The following CYP2E1 variants were observed in gnomAD, a reference collection of about 807,000 sequenced individuals.
CYP2E1 encodes cytochrome P450 2E1.
In CYP2E1, 31 loss-of-function variants were observed where a neutral mutation model predicts 42.9. The ratio of observed to expected loss-of-function variants is 0.72; its 90% CI spans 0.54 to 0.98. CYP2E1 has a LOEUF of 0.98. Ranked by LOEUF, CYP2E1 falls within the 50% of genes least tolerant of loss-of-function variation. CYP2E1 has a pLI of 0.00. For synonymous variants in CYP2E1, 244 were observed against 248.9 expected (o/e 0.98, Z 0.19); for missense variants, 565 against 633.2 (o/e 0.89, Z 1.16).
intron 6 of CYP2E1, among the ~76,000 whole-genome samples, chr10:133,535,677 A>G (rs1233483360): frequency 6.6e-6 from 1 of 152,184 alleles, no homozygotes; most frequent in Admixed American, 6.5e-5. Flanking sequence ...TGACATGTAT[A>G]TATCCATTGC....
intron 2 of CYP2E1, among the ~76,000 whole-genome samples, chr10:133,529,593 A>T (rs938364474): frequency 6.6e-6 from 1 of 152,260 alleles, no homozygotes; most frequent in African/African-American, 2.4e-5. Context: ...TCCAGCGTAC[A>T]TTTCTGAACA....
chr10:133,528,662 G>A, intron 2 of CYP2E1, 22 bp downstream of exon 2: 4 of 1,612,082 alleles, frequency 2.5e-6, no homozygotes, highest in Non-Finnish European at 3.4e-6. Context: ...TCCCTGGCAC[G>A]GAGCGGGGGG....
At chr10:133,538,675 G>A (rs1205102469) in intron 8 of CYP2E1, 105 bp from the exon 9 acceptor site, 16 of 1,002,414 alleles carry the variant, frequency 1.6e-5, no homozygotes, top group Non-Finnish European at 2.3e-5. Context: ...TGTGATGGCC[G>A]TTTGCCCACA....
chr10:133,529,662 G>A (rs1022913352), intron 2 of CYP2E1, among the ~76,000 whole-genome samples: 1 of 152,258 alleles, frequency 6.6e-6, no homozygotes, highest in African/African-American at 2.4e-5. Flanking sequence ...AAAGAACGCC[G>A]TCAGCACAGA....
chr10:133,536,980 T>C (rs1851413360), intron 6 of CYP2E1, 83 bp from the exon 7 acceptor site: 1 of 309,610 alleles, frequency 3.2e-6, no homozygotes, highest in South Asian at 4.0e-5. Context: ...AAAAGCGTGA[T>C]TGAATAGATG....
At chr10:133,531,883 C>A in intron 3 of CYP2E1, 149 bp downstream of exon 3, 1 of 863,850 alleles carries the variant, frequency 1.2e-6, no homozygotes, top group Non-Finnish European at 1.7e-6. Flanking sequence ...CATTTTACAA[C>A]TCTAGGTTCC....
chr10:133,529,588 C>A (rs1348042222), intron 2 of CYP2E1, among the ~76,000 whole-genome samples: 3 of 152,252 alleles, frequency 2.0e-5, no homozygotes, highest in Non-Finnish European at 4.4e-5. Flanking sequence ...ATTTGTCCAG[C>A]GTACATTTCT....
At chr10:133,535,233 C>T (rs1234513642) in intron 6 of CYP2E1, among the ~76,000 whole-genome samples, 1 of 152,040 alleles carries the variant, frequency 6.6e-6, no homozygotes, top group Non-Finnish European at 1.5e-5. Context: ...ACTCAGGAGG[C>T]TGAGGCAGGA....
Position 133,531,429 on chromosome 10 carries a change from C to A in CYP2E1, c.338-156C>A, listed in dbSNP as rs530349714. On this transcript the variant is annotated intron_variant, in intron 2 of 8. Coordinates refer to ENST00000252945, the MANE Select transcript of CYP2E1 (RefSeq NM_000773.4). ...ACCAGTGGCCGGTGCTGGCAGCTCC[C>A]AGGCTGGGACACCCCTCTGTCTCTC... 29 of 897,566 alleles carry A rather than the reference C, an allele frequency of 3.2e-5. No individual in the cohort carries two copies. In the South Asian group the frequency reaches 3.5e-4, roughly 11 times the overall value. 55.6% of individuals were successfully genotyped at this position (897,566 alleles called of 1,614,324 possible).
chr10:133,534,562 G>C (rs1372154321), intron 6 of CYP2E1, among the ~76,000 whole-genome samples: 1 of 152,216 alleles, frequency 6.6e-6, no homozygotes, highest in Non-Finnish European at 1.5e-5. Context: ...CAAGTAAAGG[G>C]GAGGAAAGGG....
At position 133,532,297 on chromosome 10, in the gene CYP2E1, T is replaced by A; in HGVS notation, c.648+13T>A. 1 of 1,608,042 alleles carries A rather than the reference T, an allele frequency of 6.2e-7. No homozygotes were observed. Among genetic ancestry groups the A allele is most frequent in the Non-Finnish European group, 8.5e-7 (1 of 1,175,084 alleles). On this transcript the variant is annotated intron_variant, in intron 4 of 8. Coordinates refer to ENST00000252945, the MANE Select transcript of CYP2E1 (RefSeq NM_000773.4). ...TCCCTGGCTCCAGGTGAAGCCACTT[T>A]CCTCTTTCATCAGTCATCAACTGTA... is the stretch of plus-strand genomic sequence containing the variant.
In CYP2E1 at chr10:133,532,674, AT is replaced by A. The variant is rs1589954967; in HGVS notation, c.649-11del. 6 of 1,556,808 alleles carry A rather than the reference AT, an allele frequency of 3.9e-6. No individual in the cohort carries two copies. The highest frequency in any genetic ancestry group is 2.3e-5 in the East Asian group (1 of 44,026). The stretch of plus-strand genomic sequence containing the variant: ...TGCATCCAGAAAAAAGTAGTAAAAT[AT>A]TTTTTTCCCTCTCTAGCTTTACAAT... On this transcript the variant is annotated splice_polypyrimidine_tract_variant and intron_variant, in intron 4 of 8. Transcript: ENST00000252945.
rs6413419 is a variant in CYP2E1, at chr10:133,532,171, G to T, written c.535G>T (p.Val179Phe). 1 of 1,613,810 alleles carries T rather than the reference G, an allele frequency of 6.2e-7. No individual in the cohort carries two copies. The highest frequency in any genetic ancestry group is 8.5e-7 in the Non-Finnish European group (1 of 1,179,988). The change falls in exon 4 of 9, where the codon GTC (valine) becomes TTC (phenylalanine). Residue 179 changes from valine to phenylalanine, a missense_variant. By Grantham distance (50) the Val-to-Phe change is conservative. Transcript: ENST00000252945. Reference protein sequence around the residue: ...TFLIGCAPCNVIADILFRKHF... With the variant: ...TFLIGCAPCNFIADILFRKHF... ...CCTCATCGGCTGCGCGCCCTGCAAC[G>T]TCATAGCCGACATCCTCTTCCGCAA...
At chr10:133,528,235 G>C (rs1210730648) in intron 1 of CYP2E1, 4 of 425,810 alleles carry the variant, frequency 9.4e-6, no homozygotes, top group Non-Finnish European at 1.7e-5. Flanking sequence ...GAGTTGCCGC[G>C]GAGTTGTCCG....
rs749124477 is a variant in CYP2E1 at position 133,528,653 on chromosome 10, C to T, written c.337+13C>T. The T allele has an allele frequency of 1.2e-5, 20 of 1,612,638 alleles. No individual in the cohort carries two copies. Among genetic ancestry groups the T allele is most frequent in the Non-Finnish European group, 1.6e-5 (19 of 1,179,834 alleles). On this transcript the variant is annotated intron_variant, in intron 2 of 8. Transcript: ENST00000252945. ...CACAGGGACAGGGGTGAGTCCGCGT[C>T]CCTGGCACGGAGCGGGGGGTGCATA...
intron 2 of CYP2E1, 128 bp from the exon 3 acceptor site, chr10:133,531,457 T>C: frequency 8.9e-7 from 1 of 1,120,636 alleles, no homozygotes; most frequent in East Asian, 2.4e-5. Context: ...TGTCTCTCTG[T>C]CCCTCTGCCC....
chr10:133,532,281 C>T lies in CYP2E1; in HGVS notation c.645C>T (p.Leu215=), dbSNP rs773265206. The part of the protein sequence containing the change: ...ENFHLLSTPW[L]QLYNNFPSFL... Reference sequence around the variant, plus strand: ...TCCACCTACTCAGCACTCCCTGGCTCCAGGTGAAGCCACTTTCCTCTTTCA... The same window carrying T: ...TCCACCTACTCAGCACTCCCTGGCTTCAGGTGAAGCCACTTTCCTCTTTCA... Residue 215 remains leucine, a synonymous_variant, in exon 4 of 9, where the codon CTC becomes CTT. Coordinates refer to ENST00000252945, the MANE Select transcript of CYP2E1 (RefSeq NM_000773.4). 6.2e-7 allele frequency: 1 copy of T among 1,610,310 alleles called. No individual in the cohort carries two copies. Among genetic ancestry groups the T allele is most frequent in the South Asian group, 1.1e-5 (1 of 90,966 alleles).
Position 133,527,385 on chromosome 10 carries a change from C to A in CYP2E1, c.-11C>A. Reference sequence around the variant, plus strand: ...TGTCTCCCGGGCTGGCAGCAGGGCCCCAGCGGCACCATGTCTGCCCTCGGA... The same window carrying A: ...TGTCTCCCGGGCTGGCAGCAGGGCCACAGCGGCACCATGTCTGCCCTCGGA... On this transcript the variant is annotated 5_prime_UTR_variant, in exon 1 of 9. Transcript: ENST00000252945. 6.3e-7 allele frequency: 1 copy of A among 1,594,636 alleles called. No homozygotes were observed.
In CYP2E1 at chr10:133,538,840, C is replaced by T. The variant is rs369066427; in HGVS notation, c.1358C>T (p.Ala453Val). 1.2e-6 allele frequency: 2 copies of T among 1,613,648 alleles called. No individual in the cohort carries two copies. Among genetic ancestry groups the T allele is most frequent in the African/African-American group, 1.3e-5 (1 of 74,848 alleles). The change falls in exon 9 of 9, where the codon GCC (alanine) becomes GTC (valine). Residue 453 changes from alanine (A) to valine (V), a missense_variant. Transcript: ENST00000252945. ...ARMELFLLLC[A>V]ILQHFNLKPL... ...ATGGAGTTGTTTCTTTTGTTGTGTGCCATTTTGCAGCATTTTAATTTGAAG... is the reference window on the plus strand; with the variant it reads ...ATGGAGTTGTTTCTTTTGTTGTGTGTCATTTTGCAGCATTTTAATTTGAAG...
Sources: allele counts gnomAD v4.1 joint callset (sites outside exome capture counted in the v4.1 genomes callset), GRCh38; gene constraint gnomAD v4.1.1; transcripts MANE v1.5; gene names NCBI Gene and HGNC (gene_info 2026-07-23, HGNC 2026-07-21).